Variants in PCSK6 observed in about 807,000 individuals in gnomAD.
PCSK6 encodes proprotein convertase subtilisin/kexin type 6.
PCSK6 carries 85 observed loss-of-function variants against 123.3 expected under a neutral mutation model. The ratio of observed to expected loss-of-function variants is 0.69; its 90% CI spans 0.58 to 0.83. PCSK6 has a LOEUF of 0.83. PCSK6 is among the 40% of genes least tolerant of loss of function. The pLI, the probability that PCSK6 is intolerant of heterozygous loss-of-function variation, is 0.00. For missense variants in PCSK6, 1,191 were observed against 1,282.3 expected, an observed-to-expected ratio of 0.93 and a Z score of 1.09; for synonymous variants, 508 against 516.0, an observed-to-expected ratio of 0.98 and a Z score of 0.21.
At chr15:101,457,976 G>A (rs1397988740) in intron 1 of PCSK6, among the ~76,000 whole-genome samples, 6 of 152,196 alleles carry the variant, frequency 3.9e-5, no homozygotes, top group South Asian at 2.1e-4. Context: ...CCCTACCAGC[G>A]CTGACATCTG....
intron 1 of PCSK6, among the ~76,000 whole-genome samples, chr15:101,448,221 C>T (rs118046064): frequency 0.011 from 1,690 of 152,180 alleles, 19 homozygotes; most frequent in East Asian, 0.03. Context: ...CGTTGATAGG[C>T]GATTATATGC....
intron 13 of PCSK6, among the ~76,000 whole-genome samples, chr15:101,335,994 C>T (rs1487147005): frequency 5.9e-5 from 9 of 152,206 alleles, no homozygotes; most frequent in African/African-American, 2.2e-4. Flanking sequence ...AAAAAGGGTA[C>T]AGTCAAAATA....
chr15:101,367,551 TCA>T (rs2041437714), intron 12 of PCSK6, among the ~76,000 whole-genome samples: 1 of 152,198 alleles, frequency 6.6e-6, no homozygotes, highest in Admixed American at 6.5e-5. Context: ...AGGCTGATTT[TCA>T]CACTCGATGC....
chr15:101,409,563 C>T (rs111875071), intron 6 of PCSK6, among the ~76,000 whole-genome samples: 7,956 of 139,232 alleles, frequency 0.057, 724 homozygotes, highest in African/African-American at 0.2. Flanking sequence ...CCAGCCTGGG[C>T]GACAGAGTAA....
At chr15:101,357,391 ACCTGCATTTTCCTGGCTGACCAGC>A (rs1191679233) in intron 13 of PCSK6, among the ~76,000 whole-genome samples, 2 of 152,152 alleles carry the variant, frequency 1.3e-5, no homozygotes, top group Admixed American at 6.5e-5. Context: ...TGCTGACCAG[ACCTGCATTTTCCTGGCTGACCAGC>A]CCTGCATTTT....
chr15:101,440,217 A>G (rs1428038293), intron 2 of PCSK6, among the ~76,000 whole-genome samples: 1 of 152,262 alleles, frequency 6.6e-6, no homozygotes, highest in Non-Finnish European at 1.5e-5. Context: ...CACACTGCGA[A>G]CACTTGGGCT....
At chr15:101,429,865 C>T (rs549706675) in intron 5 of PCSK6, 122 bp downstream of exon 5, 42 of 797,588 alleles carry the variant, frequency 5.3e-5, no homozygotes, top group Non-Finnish European at 7.1e-5. Flanking sequence ...AAGCCTGCCT[C>T]GCGCCCAGGC....
chr15:101,463,488 C>T (rs564906549), intron 1 of PCSK6, among the ~76,000 whole-genome samples: 56 of 152,308 alleles, frequency 3.7e-4, no homozygotes, highest in Middle Eastern at 3.4e-3. Context: ...CCTTGGGAAC[C>T]GGTCTAGTGA....
chr15:101,438,218 A>C (rs2056657724), intron 2 of PCSK6, among the ~76,000 whole-genome samples: 1 of 152,238 alleles, frequency 6.6e-6, no homozygotes, highest in African/African-American at 2.4e-5. Context: ...ACACTGCTCA[A>C]CGTGTCTGAC....
At chr15:101,436,004 T>C (rs2056588557) in intron 2 of PCSK6, among the ~76,000 whole-genome samples, 1 of 152,170 alleles carries the variant, frequency 6.6e-6, no homozygotes, top group African/African-American at 2.4e-5. Context: ...TGACATATCA[T>C]TCCCAGGTGT....
intron 6 of PCSK6, among the ~76,000 whole-genome samples, chr15:101,405,457 C>A (rs2042744480): frequency 6.6e-6 from 1 of 152,124 alleles, no homozygotes; most frequent in African/African-American, 2.4e-5. Context: ...CTTTGGAGAA[C>A]CTGGTGCCTT....
At chr15:101,401,181 G>T (rs2042574021) in intron 6 of PCSK6, among the ~76,000 whole-genome samples, 1 of 152,344 alleles carries the variant, frequency 6.6e-6, no homozygotes, top group East Asian at 1.9e-4. Flanking sequence ...TTGAGGCATA[G>T]GAGACATCAG....
intron 20 of PCSK6, among the ~76,000 whole-genome samples, chr15:101,310,117 G>C (rs138247719): frequency 1.3e-5 from 2 of 152,212 alleles, no homozygotes; most frequent in Non-Finnish European, 2.9e-5. Flanking sequence ...CTGTCCAAGT[G>C]GGGAGAGACC....
intron 7 of PCSK6, among the ~76,000 whole-genome samples, chr15:101,397,484 T>G (rs2042447031): frequency 6.6e-6 from 1 of 152,208 alleles, no homozygotes; most frequent in South Asian, 2.1e-4. Flanking sequence ...GCTTGACTCC[T>G]GCCACCCCCT....
At chr15:101,476,958 G>C (rs889051340) in intron 1 of PCSK6, among the ~76,000 whole-genome samples, 2 of 152,138 alleles carry the variant, frequency 1.3e-5, no homozygotes, top group African/African-American at 4.8e-5. Context: ...AGGGACCCAG[G>C]GCATGTGGGG....
intron 6 of PCSK6, among the ~76,000 whole-genome samples, chr15:101,418,282 T>C (rs1423459585): frequency 2.6e-5 from 4 of 152,174 alleles, no homozygotes; most frequent in African/African-American, 9.7e-5. Flanking sequence ...ATATTAACTA[T>C]TTCAGAGCAC....
intron 7 of PCSK6, among the ~76,000 whole-genome samples, chr15:101,396,259 C>A (rs558505185): frequency 6.6e-6 from 1 of 152,256 alleles, no homozygotes; most frequent in Admixed American, 6.5e-5. Context: ...CTGGATGAAA[C>A]CAACACTGCT....
At chr15:101,359,104 G>C (rs914059954) in intron 13 of PCSK6, among the ~76,000 whole-genome samples, 8 of 152,296 alleles carry the variant, frequency 5.3e-5, no homozygotes, top group African/African-American at 1.7e-4. Context: ...ACGCATGCCT[G>C]TACTTGCTGT....
At chr15:101,344,764 G>T (rs1158761793) in intron 13 of PCSK6, among the ~76,000 whole-genome samples, 1 of 152,084 alleles carries the variant, frequency 6.6e-6, no homozygotes, top group East Asian at 1.9e-4. Flanking sequence ...TGATCCTCCT[G>T]CCTCAGCCTC....
Sources: gnomAD v4.1 joint callset for allele counts (sites outside exome capture counted in the v4.1 genomes callset) on GRCh38, gnomAD v4.1.1 for gene constraint, MANE v1.5 for transcripts, NCBI Gene and HGNC (gene_info 2026-07-23, HGNC 2026-07-21) for gene names.